AP1G1: variants seen among roughly 807,000 people sequenced by gnomAD.
AP1G1 encodes AP-1 complex subunit gamma-1.
Under a neutral mutation model 108.3 loss-of-function variants are expected in AP1G1, and 7 were observed. The ratio of observed to expected loss-of-function variants is 0.06; its 90% CI spans 0.04 to 0.12. The LOEUF is 0.12. Among genes scored for constraint, AP1G1 ranks in the 10% least tolerant of loss-of-function variants. AP1G1 has a pLI of 1.00. For missense variants in AP1G1, 756 were observed against 1,010.7 expected (o/e 0.75, Z 3.42); for synonymous variants, 379 against 353.5 (o/e 1.07, Z -0.81).
At chr16:71,807,877 A>G (rs1385672124) in intron 1 of AP1G1, 1 of 1,286,410 alleles carries the variant, frequency 7.8e-7, no homozygotes, top group African/African-American at 1.5e-5. Context: ...AAAATACCAC[A>G]CAAGTGTCAG....
chr16:71,765,265 T>A (rs2031267296), intron 7 of AP1G1, among the ~76,000 whole-genome samples: 2 of 152,240 alleles, frequency 1.3e-5, no homozygotes, highest in Non-Finnish European at 2.9e-5. Context: ...AGGTCGAGGC[T>A]GCAGTGAGGC....
At chr16:71,752,702 A>G (rs2030567797) in intron 13 of AP1G1, among the ~76,000 whole-genome samples, 1 of 152,216 alleles carries the variant, frequency 6.6e-6, no homozygotes, top group African/African-American at 2.4e-5. Context: ...CTTTTCCTAC[A>G]TGCTACCAAA....
chr16:71,788,528 C>T (rs1250236525), intron 2 of AP1G1, among the ~76,000 whole-genome samples: 4 of 152,188 alleles, frequency 2.6e-5, no homozygotes, highest in Non-Finnish European at 4.4e-5. Context: ...AATCAAGGCA[C>T]AAAGTAACTA....
chr16:71,739,394 A>C, intron 19 of AP1G1, 53 bp from the exon 20 acceptor site: 1 of 1,393,208 alleles, frequency 7.2e-7, no homozygotes, highest in Non-Finnish European at 9.7e-7. Flanking sequence ...GACAAAGCTT[A>C]CCAAGAAATT....
chr16:71,795,792 T>C (rs746079850), intron 1 of AP1G1, among the ~76,000 whole-genome samples: 1 of 152,200 alleles, frequency 6.6e-6, no homozygotes, highest in Non-Finnish European at 1.5e-5. Flanking sequence ...ACTGCCTGTG[T>C]TTTTGTGGTT....
intron 1 of AP1G1, among the ~76,000 whole-genome samples, chr16:71,804,396 T>C (rs1333676433): frequency 2.1e-5 from 3 of 143,404 alleles, no homozygotes; most frequent in African/African-American, 7.6e-5. Flanking sequence ...AAGATTTCTA[T>C]ATGCTCTCTT....
intron 22 of AP1G1, among the ~76,000 whole-genome samples, chr16:71,733,676 C>T (rs912953620): frequency 4.6e-5 from 7 of 152,104 alleles, no homozygotes; most frequent in Admixed American, 4.6e-4. Flanking sequence ...CTCCTAGTAA[C>T]ATTTTGCTGA....
chr16:71,759,047 A>C lies in AP1G1; in HGVS notation c.975-126T>G, dbSNP rs567037759. ...AAAGCATACATTTTTATTTAAAAGA[A>C]AGTTAGTGAACATAAAAGTAACATT... On this transcript the variant is annotated intron_variant, in intron 10 of 22. Transcript: ENST00000299980. 20 of 616,210 alleles carry C rather than the reference A, an allele frequency of 3.2e-5. No individual in the cohort carries two copies. The East Asian group carries it at 5.0e-4, about 15-fold the overall frequency. The allele number at this position is 616,210 out of a possible 1,614,324, so 38.2% of individuals were successfully genotyped here. A position where few individuals can be genotyped will look rare whatever the true frequency, so the allele number is the denominator to read the frequency against.
At chr16:71,735,559 G>C (rs935937976) in intron 21 of AP1G1, among the ~76,000 whole-genome samples, 10 of 151,950 alleles carry the variant, frequency 6.6e-5, no homozygotes, top group Admixed American at 2.6e-4. Flanking sequence ...CTACTCGGGA[G>C]GCTGAGGCAG....
At chr16:71,736,098 C>CAAAAA (rs1213680207) in intron 21 of AP1G1, among the ~76,000 whole-genome samples, 8 of 25,410 alleles carry the variant, frequency 3.1e-4, no homozygotes, top group African/African-American at 1.3e-3. Context: ...GACTCCATCT[C>CAAAAA]AAAAAAAAAA....
rs2145484895 is a variant in AP1G1, at chr16:71,771,189, C to T, written c.532G>A (p.Ala178Thr). The stretch of plus-strand genomic sequence containing the variant: ...TTCTCATTCAATAAATTTTTTGTTG[C>T]TGGTAAAAACATCTCCATAAGTTCA... Reference protein sequence around the residue: ...VPELMEMFLPATKNLLNEKNH... With the variant: ...VPELMEMFLPTTKNLLNEKNH... The change falls in exon 5 of 23, where the codon GCA (alanine) becomes ACA (threonine). Residue 178 changes from alanine to threonine, a missense_variant. Ala to Thr is a moderately conservative substitution (Grantham distance 58). Around this residue, in one of 3 missense-constraint regions of AP1G1, gnomAD observed 304 missense variants for 483.6 expected, o/e 0.63. Transcript: ENST00000299980. 1 of 1,610,120 alleles carries T rather than the reference C, an allele frequency of 6.2e-7. No individual in the cohort carries two copies. The highest frequency in any genetic ancestry group is 2.2e-5 in the East Asian group (1 of 44,812).
chr16:71,801,104 T>A (rs1597092731), intron 1 of AP1G1, among the ~76,000 whole-genome samples: 1 of 152,032 alleles, frequency 6.6e-6, no homozygotes, highest in Non-Finnish European at 1.5e-5. Context: ...GTCAGGAGTT[T>A]GATACCAGCC....
intron 1 of AP1G1, among the ~76,000 whole-genome samples, chr16:71,800,019 GA>G (rs1455759686): frequency 6.6e-6 from 1 of 151,504 alleles, no homozygotes; most frequent in Non-Finnish European, 1.5e-5. Context: ...CCAGGAGTTC[GA>G]GATCAGCCTG....
At chr16:71,782,543 G>T (rs1388408205) in intron 2 of AP1G1, among the ~76,000 whole-genome samples, 4 of 151,756 alleles carry the variant, frequency 2.6e-5, no homozygotes, top group Admixed American at 2.6e-4. Flanking sequence ...GTGGAGTGCA[G>T]TGGCGCAGTC....
intron 2 of AP1G1, among the ~76,000 whole-genome samples, chr16:71,787,119 G>A (rs1175345452): frequency 6.6e-6 from 1 of 151,406 alleles, no homozygotes; most frequent in Non-Finnish European, 1.5e-5. Flanking sequence ...AGGAATTCGA[G>A]ACCAGCCTGG....
intron 1 of AP1G1, among the ~76,000 whole-genome samples, chr16:71,803,142 A>T (rs1219570125): frequency 6.6e-6 from 1 of 151,780 alleles, no homozygotes; most frequent in Non-Finnish European, 1.5e-5. Flanking sequence ...GGAACCCAGG[A>T]GGTAGAGGCT....
At chr16:71,808,719 G>A (rs2033086915) in intron 1 of AP1G1, 44 bp downstream of exon 1, 3 of 1,286,204 alleles carry the variant, frequency 2.3e-6, no homozygotes, top group Non-Finnish European at 3.0e-6. Context: ...GCAGCGGCGG[G>A]GCAAAAGCAG....
In AP1G1 at chr16:71,761,539, A is replaced by T; in HGVS notation, c.947T>A (p.Phe316Tyr). 6.2e-7 allele frequency: 1 copy of T among 1,607,390 alleles called. No homozygotes were observed. The highest frequency in any genetic ancestry group is 2.2e-5 in the East Asian group (1 of 44,860). The change falls in exon 10 of 23, where the codon TTC becomes TAC. Residue 316 changes from phenylalanine to tyrosine, a missense_variant. Phe to Tyr is a conservative substitution (Grantham distance 22, BLOSUM62 3). Around this residue, in one of 3 missense-constraint regions of AP1G1, gnomAD observed 304 missense variants for 483.6 expected, o/e 0.63. Transcript: ENST00000299980. ...AATATTCTTGTCATTGTTCAATAAG[A>T]AACGACCCAGGATATTTATGGCTAG... Reference protein sequence around the residue: ...RVLAINILGRFLLNNDKNIRY... With the variant: ...RVLAINILGRYLLNNDKNIRY...
rs761173171 is a variant in AP1G1 at position 71,746,595 on chromosome 16, G to A, written c.1723C>T (p.His575Tyr). ...TTAGTTTCTTTCGCTCACCTCATGT[G>A]GTCATATTTCTTGAAAAGTGCATTA... ...EYNALFKKYD[H>Y]MRSALLERMP... The change falls in exon 17 of 23, where the codon CAC becomes TAC. Residue 575 changes from histidine (H) to tyrosine (Y), a missense_variant. His to Tyr is a moderately conservative substitution (Grantham distance 83). This residue lies in a region of AP1G1 where 357 missense variants were observed against 366.5 expected (regional missense o/e 0.97). Transcript: ENST00000299980. 6 of 1,600,676 alleles carry A rather than the reference G, an allele frequency of 3.7e-6. No individual in the cohort carries two copies. Among genetic ancestry groups the A allele is most frequent in the Non-Finnish European group, 5.1e-6 (6 of 1,170,164 alleles).
Sources: gnomAD v4.1 joint callset for allele counts (sites outside exome capture counted in the v4.1 genomes callset) on GRCh38, gnomAD v4.1.1 for gene constraint, gnomAD v4.1.1 regional missense constraint, MANE v1.5 for transcripts, NCBI Gene and HGNC (gene_info 2026-07-23, HGNC 2026-07-21) for gene names.